Variants in CBX1 observed in about 807,000 individuals in gnomAD.
CBX1 encodes the protein chromobox 1.
In CBX1, 10 loss-of-function variants were observed where a neutral mutation model predicts 25.1. The ratio of observed to expected loss-of-function variants is 0.40; its 90% CI spans 0.25 to 0.68. The LOEUF (loss-of-function observed/expected upper bound fraction) is 0.68, where lower values mean the gene tolerates loss of function less well. Among genes scored for constraint, CBX1 ranks in the 30% least tolerant of loss-of-function variants. The pLI is 0.40. For synonymous variants in CBX1, 63 were observed against 79.4 expected (o/e 0.79, Z 1.10); for missense variants, 106 against 218.5 (o/e 0.49, Z 3.25).
chr17:48,079,866 T>C (rs1370738333), intron 1 of CBX1, among the ~76,000 whole-genome samples: 2 of 152,298 alleles, frequency 1.3e-5, no homozygotes, highest in East Asian at 3.9e-4. Context: ...ACTGGAACCC[T>C]GTAAAAATTT....
chr17:48,087,929 C>T (rs1262920780), intron 1 of CBX1, among the ~76,000 whole-genome samples: 1 of 151,716 alleles, frequency 6.6e-6, no homozygotes, highest in Non-Finnish European at 1.5e-5. Flanking sequence ...GCCTAGACCC[C>T]ACTCCACAGC....
chr17:48,078,387 T>A (rs937391640), intron 1 of CBX1, among the ~76,000 whole-genome samples: 10 of 152,114 alleles, frequency 6.6e-5, no homozygotes, highest in Admixed American at 6.5e-4. Context: ...AGAGACGGGG[T>A]TTCACCATGT....
intron 1 of CBX1, among the ~76,000 whole-genome samples, chr17:48,078,164 G>A (rs933261533): frequency 6.6e-6 from 1 of 150,828 alleles, no homozygotes; most frequent in Non-Finnish European, 1.5e-5. Flanking sequence ...CCTATTCCAA[G>A]TTTTCCTTTT....
intron 1 of CBX1, among the ~76,000 whole-genome samples, chr17:48,097,177 C>A (rs80037184): frequency 0.12 from 18,151 of 151,504 alleles, 1,593 homozygotes; most frequent in East Asian, 0.43. Flanking sequence ...TCACTTGAAC[C>A]GAGGAGGCGG....
intron 1 of CBX1, among the ~76,000 whole-genome samples, chr17:48,093,145 A>T (rs2063354022): frequency 6.6e-6 from 1 of 150,794 alleles, no homozygotes; most frequent in East Asian, 1.9e-4. Flanking sequence ...AGGCGCCTGT[A>T]ATCCCAGCTA....
rs2037765762 is a variant in CBX1, at chr17:48,084,226, T to C, written c.-37-7185A>G. 3.3e-5 allele frequency among the ~76,000 whole-genome samples: 3 copies of C among 91,936 alleles called. 1 individual carries two copies. Among genetic ancestry groups the C allele is most frequent in the African/African-American group, 1.4e-4 (3 of 21,896 alleles). 60.3% of individuals were successfully genotyped at this position (91,936 alleles called of 152,430 possible). ...CCTTTTTTTTTTTTTTTTTTTTTTTTTTTGAGACGGAGTCTTGCTCTGTTA... is the reference window on the plus strand; with the variant it reads ...CCTTTTTTTTTTTTTTTTTTTTTTTCTTTGAGACGGAGTCTTGCTCTGTTA... On this transcript the variant is annotated intron_variant, in intron 1 of 4. Transcript: ENST00000225603.
chr17:48,081,148 G>A (rs1417991482), intron 1 of CBX1, among the ~76,000 whole-genome samples: 1 of 150,914 alleles, frequency 6.6e-6, no homozygotes, highest in East Asian at 2.0e-4. Context: ...TTGAACCCCT[G>A]GGCTCAAGCG....
intron 1 of CBX1, 172 bp downstream of exon 1, chr17:48,101,096 C>T (rs950489907): frequency 3.0e-6 from 3 of 986,330 alleles, no homozygotes; most frequent in Non-Finnish European, 3.6e-6. Context: ...ACCGACGCCT[C>T]AGCGACAGGC....
chr17:48,087,721 A>C (rs558985281), intron 1 of CBX1, among the ~76,000 whole-genome samples: 1 of 151,882 alleles, frequency 6.6e-6, no homozygotes, highest in South Asian at 2.1e-4. Context: ...AAAACACAAA[A>C]ATTGGCCGGG....
At chr17:48,077,087 T>C (rs1038061901) in intron 1 of CBX1, 46 bp from the exon 2 acceptor site, 20 of 1,452,116 alleles carry the variant, frequency 1.4e-5, no homozygotes, top group South Asian at 2.7e-5. Context: ...AGCACTCTTA[T>C]TGGTTAGATA....
Position 48,091,983 on chromosome 17 carries a change from C to CTTTTT in CBX1, c.-38+9280_-38+9284dup, listed in dbSNP as rs56277117. Among the ~76,000 whole-genome samples, 28 of 62,936 alleles carry CTTTTT rather than the reference C, an allele frequency of 4.4e-4. 1 individual carries two copies. Among genetic ancestry groups the CTTTTT allele is most frequent in the African/African-American group, 5.3e-4 (8 of 14,958 alleles). The allele number at this position is 62,936 out of a possible 152,430, so 41.3% of individuals were successfully genotyped here. A position where few individuals can be genotyped will look rare whatever the true frequency, so the allele number is the denominator to read the frequency against. On this transcript the variant is annotated intron_variant, in intron 1 of 4. Coordinates refer to ENST00000225603, the MANE Select transcript of CBX1 (RefSeq NM_001127228.2). ...CGTGAGCCACCATGCCCAGCCAGAT[C>CTTTTT]TTTTTTTTTTTTTTTTTTTTTTTTG...
At chr17:48,090,013 T>C (rs370856780) in intron 1 of CBX1, among the ~76,000 whole-genome samples, 18 of 151,176 alleles carry the variant, frequency 1.2e-4, no homozygotes, top group African/African-American at 4.1e-4. Flanking sequence ...CTCCGCCTCC[T>C]GGGTTCAAGC....
intron 4 of CBX1, among the ~76,000 whole-genome samples, chr17:48,073,781 C>T (rs994656837): frequency 2.9e-5 from 4 of 140,040 alleles, no homozygotes; most frequent in East Asian, 4.3e-4. Context: ...GAGCTGAGAT[C>T]GTGCCACTGC....
chr17:48,074,884 A>C (rs2037659561), intron 4 of CBX1, 122 bp downstream of exon 4: 1 of 767,524 alleles, frequency 1.3e-6, no homozygotes, highest in Admixed American at 1.9e-5. Flanking sequence ...TCGAAGGACT[A>C]TGCCATCTTA....
chr17:48,083,463 A>G (rs2037757505), intron 1 of CBX1, among the ~76,000 whole-genome samples: 1 of 150,536 alleles, frequency 6.6e-6, no homozygotes, highest in Admixed American at 6.6e-5. Context: ...GTCAGTAACT[A>G]GTTTTCCAGC....
At chr17:48,079,511 T>G (rs973695719) in intron 1 of CBX1, among the ~76,000 whole-genome samples, 10 of 152,242 alleles carry the variant, frequency 6.6e-5, no homozygotes, top group African/African-American at 2.4e-4. Flanking sequence ...TTTTCTTTTT[T>G]GAGACAGTGT....
At chr17:48,091,598 G>C (rs550491823) in intron 1 of CBX1, among the ~76,000 whole-genome samples, 16 of 149,822 alleles carry the variant, frequency 1.1e-4, no homozygotes, top group Non-Finnish European at 1.6e-4. Flanking sequence ...TAGAATGCGG[G>C]GGCATGATCT....
At position 48,097,328 on chromosome 17, in the gene CBX1, C is replaced by T. The variant is rs1014684295; in HGVS notation, c.-38+3940G>A. 3.3e-5 allele frequency among the ~76,000 whole-genome samples: 5 copies of T among 151,764 alleles called. No individual in the cohort carries two copies. The South Asian group carries it at 1.0e-3, about 31-fold the overall frequency. On this transcript the variant is annotated intron_variant, in intron 1 of 4. Transcript: ENST00000225603. Reference sequence around the variant, plus strand: ...CATTCTTGTCAGTTAAAAATTAATACTATAGGCTGGGCGCAGTGGCTCACA... The same window carrying T: ...CATTCTTGTCAGTTAAAAATTAATATTATAGGCTGGGCGCAGTGGCTCACA...
intron 3 of CBX1, among the ~76,000 whole-genome samples, chr17:48,075,631 A>T (rs1332608776): frequency 6.6e-6 from 1 of 151,506 alleles, no homozygotes; most frequent in South Asian, 2.1e-4. Flanking sequence ...ATACAGCCCA[A>T]GCAAAATCAA....
Sources: allele counts gnomAD v4.1 joint callset (sites outside exome capture counted in the v4.1 genomes callset), GRCh38; gene constraint gnomAD v4.1.1; transcripts MANE v1.5; gene names NCBI Gene and HGNC (gene_info 2026-07-23, HGNC 2026-07-21).